PDXDC1: variants seen among roughly 807,000 people sequenced by gnomAD.
The protein encoded by PDXDC1 is pyridoxal-dependent decarboxylase domain-containing protein 1.
Under a neutral mutation model 100.1 loss-of-function variants are expected in PDXDC1, and 42 were observed. The observed-to-expected ratio is 0.42, with a 90% CI of 0.33 to 0.54. PDXDC1 has a LOEUF of 0.54. PDXDC1 is among the 20% of genes least tolerant of loss of function. The pLI, the probability that PDXDC1 is intolerant of heterozygous loss-of-function variation, is 0.10. For synonymous variants in PDXDC1, 260 were observed against 371.7 expected, an observed-to-expected ratio of 0.70 and a Z score of 3.46; for missense variants, 636 against 979.2, an observed-to-expected ratio of 0.65 and a Z score of 4.68.
chr16:15,091,233 G>C, intron 16 of PDXDC1: 1 of 1,551,834 alleles, frequency 6.4e-7, no homozygotes, highest in Non-Finnish European at 8.8e-7. Flanking sequence ...AGTTCTGGAG[G>C]ACAGAATGGG....
At chr16:15,074,752 G>C (rs774451697) in intron 16 of PDXDC1, 1 of 1,613,838 alleles carries the variant, frequency 6.2e-7, no homozygotes, top group South Asian at 1.1e-5. Context: ...CTTCATGTAG[G>C]ACAAAACCAA....
intron 16 of PDXDC1, among the ~76,000 whole-genome samples, chr16:15,081,645 A>G (rs1443629425): frequency 7.2e-5 from 11 of 152,338 alleles, no homozygotes; most frequent in Admixed American, 4.6e-4. Context: ...ATCTTCTTGA[A>G]GATGTCCTAT....
intron 16 of PDXDC1, among the ~76,000 whole-genome samples, chr16:15,124,478 C>G (rs1181269864): frequency 6.6e-6 from 1 of 152,054 alleles, no homozygotes; most frequent in African/African-American, 2.4e-5. Context: ...ACAAGCAAAA[C>G]AAAAACAAAA....
chr16:15,128,319 G>A (rs541973912), intron 16 of PDXDC1: 70 of 1,610,022 alleles, frequency 4.3e-5, no homozygotes, highest in Middle Eastern at 2.3e-4. Context: ...AGGCTCTGTC[G>A]CCATCCAGGT....
chr16:14,985,281 CTTT>C (rs769346480), intron 1 of PDXDC1, among the ~76,000 whole-genome samples: 59 of 114,466 alleles, frequency 5.2e-4, no homozygotes, highest in East Asian at 1.9e-3. Context: ...TGATAAACAA[CTTT>C]TTTTTTTTTT....
At chr16:15,082,081 T>A (rs1048788086) in intron 16 of PDXDC1, among the ~76,000 whole-genome samples, 1 of 152,198 alleles carries the variant, frequency 6.6e-6, no homozygotes, top group Non-Finnish European at 1.5e-5. Context: ...TTCCTTTCCA[T>A]CTGGATGCTT....
At chr16:15,072,880 C>T in intron 16 of PDXDC1, 1 of 1,528,610 alleles carries the variant, frequency 6.5e-7, no homozygotes, top group Non-Finnish European at 9.0e-7. Context: ...CCGTCCACCC[C>T]AGTTTTTAGG....
Position 15,022,731 on chromosome 16 carries a change from A to G in PDXDC1, c.1117A>G (p.Lys373Glu), listed in dbSNP as rs17855736. 3.1e-6 allele frequency: 5 copies of G among 1,612,596 alleles called. No homozygotes were observed. Among genetic ancestry groups the G allele is most frequent in the Non-Finnish European group, 4.2e-6 (5 of 1,179,296 alleles). The change falls in exon 13 of 23, where the codon AAA becomes GAA. Residue 373 changes from lysine to glutamate, a missense_variant. By Grantham distance (56) the Lys-to-Glu change is moderately conservative. Around this residue, in one of 4 missense-constraint regions of PDXDC1, gnomAD observed 125 missense variants for 479.9 expected, o/e 0.26. Coordinates refer to ENST00000396410, the MANE Select transcript of PDXDC1 (RefSeq NM_015027.4). ...TCAACGGTTGCAGGAAAGTTTGAAG[A>G]AAGTGAATTACATCAAAATCTTGGT... is the stretch of plus-strand genomic sequence containing the variant. ...LSQRLQESLK[K>E]VNYIKILVED...
At chr16:15,048,600 G>A (rs989984678) in intron 16 of PDXDC1, among the ~76,000 whole-genome samples, 5 of 152,036 alleles carry the variant, frequency 3.3e-5, no homozygotes, top group Non-Finnish European at 7.4e-5. Flanking sequence ...AGGAATAGTG[G>A]ATGGATGGCT....
chr16:15,011,631 CTT>C, intron 8 of PDXDC1, among the ~76,000 whole-genome samples: 63 of 131,290 alleles, frequency 4.8e-4, no homozygotes, highest in South Asian at 2.1e-3. Flanking sequence ...ACATTTTTTT[CTT>C]TTTTTTTTTT....
chr16:15,150,441 G>C, the PDXDC1 span, among the ~76,000 whole-genome samples: 3 of 151,432 alleles, frequency 2.0e-5, no homozygotes, highest in Non-Finnish European at 3.0e-5. Context: ...GAGGCAAGCA[G>C]ATCACCTAAG....
intron 16 of PDXDC1, chr16:15,083,373 T>A: frequency 7.4e-7 from 1 of 1,356,138 alleles, no homozygotes; most frequent in East Asian, 2.7e-5. Flanking sequence ...CACTCCAGCT[T>A]GGGCGACAGA....
chr16:15,101,081 T>C (rs2046528999), intron 16 of PDXDC1, among the ~76,000 whole-genome samples: 1 of 152,210 alleles, frequency 6.6e-6, no homozygotes, highest in South Asian at 2.1e-4. Context: ...TTTTCTTATG[T>C]ACAAAATGGG....
intron 16 of PDXDC1, chr16:15,132,586 C>G: frequency 1.4e-6 from 1 of 718,364 alleles, no homozygotes; most frequent in South Asian, 1.6e-5. Context: ...GGTCAGAGAC[C>G]GAGGAACGCC....
chr16:14,988,805 G>A, intron 1 of PDXDC1: 2 of 1,613,866 alleles, frequency 1.2e-6, no homozygotes, highest in African/African-American at 1.3e-5. Flanking sequence ...TGAGCACCAT[G>A]CCCTGCAGGA....
chr16:15,085,803 T>G (rs2045895399), intron 16 of PDXDC1: 5 of 1,486,358 alleles, frequency 3.4e-6, no homozygotes, highest in Non-Finnish European at 4.5e-6. Flanking sequence ...ATAAAAAAAG[T>G]TATTTTTCCA....
intron 4 of PDXDC1, among the ~76,000 whole-genome samples, chr16:15,002,204 A>G (rs1973313679): frequency 6.6e-6 from 1 of 152,290 alleles, no homozygotes; most frequent in South Asian, 2.1e-4. Context: ...CTCTTCAATT[A>G]TTTTAAATTT....
downstream of PDXDC1, among the ~76,000 whole-genome samples, chr16:15,039,306 C>T (rs574471558): frequency 9.2e-5 from 14 of 152,256 alleles, no homozygotes; most frequent in African/African-American, 3.1e-4. Flanking sequence ...GGGTTGGCTC[C>T]GAATCCAAAC....
intron 22 of PDXDC1, among the ~76,000 whole-genome samples, 180 bp downstream of exon 22, chr16:15,035,733 G>A (rs528876664): frequency 6.6e-6 from 1 of 152,254 alleles, no homozygotes; most frequent in African/African-American, 2.4e-5. Context: ...ACGGTAGTGC[G>A]CTAAGGGGAA....
Sources: allele counts gnomAD v4.1 joint callset (sites outside exome capture counted in the v4.1 genomes callset), GRCh38; gene constraint gnomAD v4.1.1; regional missense constraint gnomAD v4.1.1; transcripts MANE v1.5; gene names NCBI Gene and HGNC (gene_info 2026-07-23, HGNC 2026-07-21).